Variants in ARHGAP10 observed in about 807,000 individuals in gnomAD.
The protein encoded by ARHGAP10 is rho GTPase-activating protein 10.
In ARHGAP10, 87 loss-of-function variants were observed where a neutral mutation model predicts 108.6. The ratio of observed to expected loss-of-function variants is 0.80; its 90% CI spans 0.67 to 0.96. The LOEUF (loss-of-function observed/expected upper bound fraction) is 0.96, where lower values mean the gene tolerates loss of function less well. Ranked by LOEUF, ARHGAP10 falls within the 40% of genes least tolerant of loss-of-function variation. ARHGAP10 has a pLI of 0.00. For synonymous variants in ARHGAP10, 347 were observed against 341.1 expected (o/e 1.02, Z -0.19); for missense variants, 939 against 954.5 (o/e 0.98, Z 0.21).
At chr4:147,768,296 G>A (rs1235775122) in intron 1 of ARHGAP10, among the ~76,000 whole-genome samples, 1 of 152,180 alleles carries the variant, frequency 6.6e-6, no homozygotes, top group African/African-American at 2.4e-5. Context: ...GAATCATGGA[G>A]CTATCTGAGG....
At chr4:147,952,217 A>G (rs1263009618) in intron 15 of ARHGAP10, among the ~76,000 whole-genome samples, 1 of 152,210 alleles carries the variant, frequency 6.6e-6, no homozygotes, top group East Asian at 1.9e-4. Flanking sequence ...AGCTGCTAAA[A>G]GCATTTGTAT....
chr4:147,959,637 G>A (rs191952139), intron 16 of ARHGAP10, among the ~76,000 whole-genome samples: 59 of 152,160 alleles, frequency 3.9e-4, no homozygotes, highest in African/African-American at 1.3e-3. Flanking sequence ...CTGTCCTTGC[G>A]ATAGGTTGCT....
intron 22 of ARHGAP10, among the ~76,000 whole-genome samples, chr4:148,067,634 G>A (rs1729953970): frequency 1.3e-5 from 2 of 152,230 alleles, no homozygotes; most frequent in South Asian, 4.1e-4. Context: ...CTCCATAGAT[G>A]CTCTTGCAGT....
intron 1 of ARHGAP10, among the ~76,000 whole-genome samples, chr4:147,797,602 G>A (rs969043054): frequency 2.6e-5 from 4 of 152,000 alleles, no homozygotes; most frequent in Admixed American, 1.3e-4. Flanking sequence ...TAGTAGAGAC[G>A]GGGTTTCACC....
chr4:147,764,484 G>GT (rs1476411001), intron 1 of ARHGAP10, among the ~76,000 whole-genome samples: 13 of 148,812 alleles, frequency 8.7e-5, no homozygotes, highest in Non-Finnish European at 6.0e-5. Flanking sequence ...TGACTTTGAG[G>GT]TAAAAAAAAA....
chr4:147,829,652 T>G (rs998938886), intron 3 of ARHGAP10, among the ~76,000 whole-genome samples: 1 of 152,298 alleles, frequency 6.6e-6, no homozygotes, highest in Non-Finnish European at 1.5e-5. Flanking sequence ...TGTGGTGTGT[T>G]GCTGCCAGAA....
chr4:147,764,064 C>G (rs1729696047), intron 1 of ARHGAP10, among the ~76,000 whole-genome samples: 1 of 152,062 alleles, frequency 6.6e-6, no homozygotes. Flanking sequence ...CTGGCCCAGA[C>G]AGTGATTCTT....
At chr4:147,738,022 T>C (rs186595192) in intron 1 of ARHGAP10, among the ~76,000 whole-genome samples, 6 of 151,624 alleles carry the variant, frequency 4.0e-5, no homozygotes, top group African/African-American at 1.5e-4. Context: ...TGTTGTTGTT[T>C]TTTTTTTTTT....
At chr4:147,873,626 G>A (rs1734929593) in intron 7 of ARHGAP10, among the ~76,000 whole-genome samples, 1 of 150,146 alleles carries the variant, frequency 6.7e-6, no homozygotes, top group East Asian at 2.0e-4. Context: ...AGGAGTTCGA[G>A]ACCAGCCTGG....
chr4:148,071,523 G>A (rs898253372), intron 22 of ARHGAP10, among the ~76,000 whole-genome samples: 2 of 152,236 alleles, frequency 1.3e-5, no homozygotes, highest in Non-Finnish European at 2.9e-5. Context: ...GGCTGAGGCA[G>A]GAGAATTGCT....
At chr4:147,795,067 C>T (rs549698261) in intron 1 of ARHGAP10, among the ~76,000 whole-genome samples, 5 of 152,228 alleles carry the variant, frequency 3.3e-5, no homozygotes, top group South Asian at 4.1e-4. Flanking sequence ...TAGCAGCTGC[C>T]GGTCAAGGGT....
intron 4 of ARHGAP10, among the ~76,000 whole-genome samples, chr4:147,852,792 C>T (rs1733926766): frequency 6.8e-6 from 1 of 146,566 alleles, no homozygotes. Context: ...GATCTTGGCT[C>T]ACTACAATCT....
intron 1 of ARHGAP10, among the ~76,000 whole-genome samples, chr4:147,753,444 A>G (rs1223575691): frequency 6.6e-6 from 1 of 151,550 alleles, no homozygotes; most frequent in Non-Finnish European, 1.5e-5. Context: ...CCTGGGTTCA[A>G]GCGATTCTCC....
intron 1 of ARHGAP10, among the ~76,000 whole-genome samples, chr4:147,818,197 T>C (rs1732334128): frequency 6.6e-6 from 1 of 151,406 alleles, no homozygotes. Context: ...CAGCAACACC[T>C]ACCCTGCTGG....
intron 1 of ARHGAP10, among the ~76,000 whole-genome samples, chr4:147,800,304 C>A (rs59535925): frequency 0.12 from 18,209 of 152,184 alleles, 3,124 homozygotes; most frequent in African/African-American, 0.38. Flanking sequence ...ATCTCTCTAC[C>A]TGTGCCCCAC....
At chr4:147,954,579 T>C (rs2126982747) in intron 15 of ARHGAP10, among the ~76,000 whole-genome samples, 1 of 152,158 alleles carries the variant, frequency 6.6e-6, no homozygotes. Context: ...TAAAAGTTCT[T>C]AATATCTTGC....
intron 19 of ARHGAP10, among the ~76,000 whole-genome samples, chr4:148,044,142 A>G (rs1036848337): frequency 6.6e-6 from 1 of 151,996 alleles, no homozygotes; most frequent in Non-Finnish European, 1.5e-5. Flanking sequence ...GGAAGAGAGA[A>G]CTCTCTTAAT....
Position 147,765,271 on chromosome 4 carries a change from A to AAG in ARHGAP10, c.154+32816_154+32817insAG, listed in dbSNP as rs1473986903. On this transcript the variant is annotated intron_variant, in intron 1 of 22. Transcript: ENST00000336498. ...TTCACAGCCAGGTGTTTCCAATATC[A>AAG]TACCTGGAAATATAAAGTACACATT... Among the ~76,000 whole-genome samples the AAG allele has an allele frequency of 4.8e-5, 7 of 145,358 alleles. No homozygotes were observed. The Admixed American group carries it at 4.8e-4, about 10-fold the overall frequency.
At chr4:147,748,064 A>T (rs1306797257) in intron 1 of ARHGAP10, among the ~76,000 whole-genome samples, 1 of 152,218 alleles carries the variant, frequency 6.6e-6, no homozygotes, top group East Asian at 1.9e-4. Flanking sequence ...AAATGTTCGT[A>T]GTGCTGAGGT....
Sources: gnomAD v4.1 joint callset for allele counts (sites outside exome capture counted in the v4.1 genomes callset) on GRCh38, gnomAD v4.1.1 for gene constraint, MANE v1.5 for transcripts, NCBI Gene and HGNC (gene_info 2026-07-23, HGNC 2026-07-21) for gene names.